FAM240B: variants seen among roughly 807,000 people sequenced by gnomAD.
FAM240B encodes the protein family with sequence similarity 240 member B.
At chr9:38,716,954 C>T (rs958425590) in intron 1 of FAM240B, among the ~76,000 whole-genome samples, 16 of 152,284 alleles carry the variant, frequency 1.1e-4, no homozygotes, top group African/African-American at 3.8e-4. Flanking sequence ...CATTCCTGCC[C>T]CACACTGTGT....
At chr9:38,712,917 C>G (rs1821271196) in intron 1 of FAM240B, among the ~76,000 whole-genome samples, 1 of 152,156 alleles carries the variant, frequency 6.6e-6, no homozygotes, top group African/African-American at 2.4e-5. Flanking sequence ...CCACTTCCCT[C>G]CTTCATTTAG....
intron 1 of FAM240B, among the ~76,000 whole-genome samples, chr9:38,718,762 AT>A (rs1000126122): frequency 6.6e-5 from 10 of 150,650 alleles, no homozygotes; most frequent in Non-Finnish European, 1.0e-4. Context: ...AAAAAAAAAA[AT>A]GTTCAAAGTC....
At chr9:38,716,871 C>T (rs1298665920) in intron 1 of FAM240B, among the ~76,000 whole-genome samples, 1 of 152,186 alleles carries the variant, frequency 6.6e-6, no homozygotes, top group Non-Finnish European at 1.5e-5. Flanking sequence ...AAATGGACTA[C>T]CTGGAACGAA....
chr9:38,706,275 AG>A (rs1821189335), intron 1 of FAM240B, among the ~76,000 whole-genome samples: 2 of 152,162 alleles, frequency 1.3e-5, no homozygotes, highest in African/African-American at 4.8e-5. Flanking sequence ...ATTGATAGAC[AG>A]TGTTGAGGTT....
At chr9:38,717,580 A>G (rs1821321662) in intron 1 of FAM240B, among the ~76,000 whole-genome samples, 1 of 152,160 alleles carries the variant, frequency 6.6e-6, no homozygotes. Flanking sequence ...TCCCGGGTTC[A>G]CGCCATTCTC....
intron 1 of FAM240B, among the ~76,000 whole-genome samples, chr9:38,713,295 G>A (rs894786554): frequency 3.3e-5 from 5 of 152,018 alleles, no homozygotes; most frequent in South Asian, 4.2e-4. Context: ...TGGCTAACAC[G>A]GTGAAACCCC....
intron 2 of FAM240B, among the ~76,000 whole-genome samples, chr9:38,699,328 T>C (rs1344596957): frequency 6.6e-6 from 1 of 152,202 alleles, no homozygotes; most frequent in Non-Finnish European, 1.5e-5. Flanking sequence ...TCCTATCTTA[T>C]GCTAGGCACT....
intron 1 of FAM240B, among the ~76,000 whole-genome samples, chr9:38,717,569 C>G (rs1402893957): frequency 6.6e-6 from 1 of 152,198 alleles, no homozygotes; most frequent in Admixed American, 6.5e-5. Flanking sequence ...CAAGCTCCGC[C>G]TCCCGGGTTC....
chr9:38,719,773 A>G (rs1408628168), intron 1 of FAM240B, among the ~76,000 whole-genome samples: 1 of 152,176 alleles, frequency 6.6e-6, no homozygotes, highest in Admixed American at 6.5e-5. Flanking sequence ...TGCTTTTTCC[A>G]CACTCTTTAA....
chr9:38,710,550 A>C (rs78709262), intron 1 of FAM240B, among the ~76,000 whole-genome samples: 5,088 of 152,258 alleles, frequency 0.033, 105 homozygotes, highest in Non-Finnish European at 0.047. Context: ...TTATAAACTC[A>C]TGGGTAGAGG....
At chr9:38,710,074 A>G (rs568871622) in intron 1 of FAM240B, among the ~76,000 whole-genome samples, 31 of 152,250 alleles carry the variant, frequency 2.0e-4, no homozygotes, top group African/African-American at 7.0e-4. Context: ...GGTTCAAGCA[A>G]TTCTCCTGCC....
At chr9:38,697,570 G>T (rs1821082855) in intron 2 of FAM240B, among the ~76,000 whole-genome samples, 2 of 151,994 alleles carry the variant, frequency 1.3e-5, no homozygotes, top group East Asian at 3.8e-4. Context: ...TAACTTTTCA[G>T]GAATTTTATA....
At chr9:38,713,389 A>G (rs2119013033) in intron 1 of FAM240B, among the ~76,000 whole-genome samples, 1 of 148,516 alleles carries the variant, frequency 6.7e-6, no homozygotes, top group East Asian at 2.0e-4. Flanking sequence ...GAGGCAGGAG[A>G]ATGGCGTGAA....
intron 1 of FAM240B, among the ~76,000 whole-genome samples, chr9:38,708,946 C>T (rs1158542107): frequency 6.6e-6 from 1 of 152,036 alleles, no homozygotes; most frequent in Non-Finnish European, 1.5e-5. Context: ...TTGTCCCAGA[C>T]CCAGTGCTGG....
intron 1 of FAM240B, among the ~76,000 whole-genome samples, chr9:38,712,421 T>C (rs192626155): frequency 2.6e-5 from 4 of 152,226 alleles, no homozygotes; most frequent in African/African-American, 9.6e-5. Flanking sequence ...ATTAAATGTG[T>C]CTCATCATCA....
At chr9:38,698,367 G>T (rs1373039230) in intron 2 of FAM240B, among the ~76,000 whole-genome samples, 1 of 152,074 alleles carries the variant, frequency 6.6e-6, no homozygotes, top group African/African-American at 2.4e-5. Context: ...ACCACCAGTT[G>T]GCCCAGATAC....
intron 2 of FAM240B, among the ~76,000 whole-genome samples, chr9:38,698,221 T>A (rs1371343118): frequency 2.6e-5 from 4 of 152,116 alleles, no homozygotes; most frequent in Non-Finnish European, 5.9e-5. Flanking sequence ...ACATTATAAA[T>A]AGCAAAAAAA....
intron 2 of FAM240B, among the ~76,000 whole-genome samples, chr9:38,703,549 C>T (rs528332128): frequency 7.9e-5 from 12 of 152,318 alleles, no homozygotes; most frequent in Admixed American, 2.6e-4. Context: ...AAGAGGTTCC[C>T]GCTAGCTCTT....
intron 1 of FAM240B, 101 bp from the exon 2 acceptor site, chr9:38,704,103 A>G: frequency 2.7e-6 from 1 of 372,790 alleles, no homozygotes; most frequent in Non-Finnish European, 4.7e-6. Flanking sequence ...TGCCATTTAC[A>G]CTTGTTTTTT....
Sources: gnomAD v4.1 joint callset for allele counts (sites outside exome capture counted in the v4.1 genomes callset) on GRCh38, gnomAD v4.1.1 for gene constraint, MANE v1.5 for transcripts, NCBI Gene and HGNC (gene_info 2026-07-23, HGNC 2026-07-21) for gene names.